The following RANBP17 variants were observed in gnomAD, a reference collection of about 807,000 sequenced individuals.
The protein encoded by RANBP17 is RAN binding protein 17.
Under a neutral mutation model 141.2 loss-of-function variants are expected in RANBP17, and 158 were observed. The ratio of observed to expected loss-of-function variants is 1.12; its 90% confidence interval spans 0.98 to 1.28. The LOEUF (loss-of-function observed/expected upper bound fraction) is 1.28, where lower values mean the gene tolerates loss of function less well. Among genes scored for constraint, RANBP17 ranks in the 50% most tolerant of loss-of-function variants. The pLI is 0.00. For synonymous variants in RANBP17, 430 were observed against 450.0 expected, an observed-to-expected ratio of 0.96 and a Z score of 0.56; for missense variants, 1,438 against 1,290.7, an observed-to-expected ratio of 1.11 and a Z score of -1.75.
chr5:171,238,277 C>G (rs2127994129), intron 22 of RANBP17, among the ~76,000 whole-genome samples: 1 of 152,274 alleles, frequency 6.6e-6, no homozygotes, highest in Middle Eastern at 3.4e-3. Flanking sequence ...AAAAAATTTG[C>G]AACCTTCGGC....
intron 19 of RANBP17, among the ~76,000 whole-genome samples, chr5:171,200,887 T>C (rs1178799309): frequency 6.6e-6 from 1 of 152,244 alleles, no homozygotes; most frequent in African/African-American, 2.4e-5. Context: ...AGAAGGATCT[T>C]ACAGATTCTG....
In RANBP17 at chr5:170,902,316, C is replaced by T. The variant is rs1184278538; in HGVS notation, c.489+6201C>T. On this transcript the variant is annotated intron_variant, in intron 5 of 27. Coordinates refer to ENST00000523189, the MANE Select transcript of RANBP17 (RefSeq NM_022897.5). ...CTTTCTTCCTCTTGATTGATTTGGC[C>T]GTTGATGTTTGTGTATGCTTCACAA... Among the ~76,000 whole-genome samples, 11 of 151,922 alleles carry T rather than the reference C, an allele frequency of 7.2e-5. No homozygotes were observed. In the East Asian group the frequency reaches 1.2e-3, roughly 16 times the overall value.
intron 5 of RANBP17, among the ~76,000 whole-genome samples, chr5:170,900,130 T>C (rs185780512): frequency 1.8e-3 from 269 of 152,324 alleles, no homozygotes; most frequent in Non-Finnish European, 2.9e-3. Context: ...AATTCAGTCG[T>C]GAATCCGTCT....
At chr5:170,934,897 T>G (rs901650816) in intron 12 of RANBP17, among the ~76,000 whole-genome samples, 1 of 152,084 alleles carries the variant, frequency 6.6e-6, no homozygotes, top group Non-Finnish European at 1.5e-5. Flanking sequence ...TCCTGAAGAG[T>G]GGTTTCCAAC....
chr5:170,983,507 A>C (rs1777913832), intron 14 of RANBP17, among the ~76,000 whole-genome samples: 1 of 152,196 alleles, frequency 6.6e-6, no homozygotes, highest in South Asian at 2.1e-4. Flanking sequence ...TTAGGGAGTC[A>C]AAAGATAATG....
At chr5:171,098,552 GA>G (rs1394346783) in intron 14 of RANBP17, among the ~76,000 whole-genome samples, 5 of 151,986 alleles carry the variant, frequency 3.3e-5, no homozygotes, top group African/African-American at 1.2e-4. Context: ...TTGTCAGATG[GA>G]TAGATTGCAA....
intron 26 of RANBP17, among the ~76,000 whole-genome samples, chr5:171,294,466 G>A (rs184604383): frequency 1.3e-5 from 2 of 152,262 alleles, no homozygotes; most frequent in East Asian, 3.9e-4. Context: ...TACCTCCCAA[G>A]CCTCTCCAGC....
chr5:171,265,026 C>T (rs1766573109), intron 24 of RANBP17, among the ~76,000 whole-genome samples: 1 of 152,152 alleles, frequency 6.6e-6, no homozygotes, highest in African/African-American at 2.4e-5. Context: ...CACACTAAAC[C>T]ATGAGTTCTT....
chr5:171,130,295 A>G (rs1410617147), intron 14 of RANBP17, among the ~76,000 whole-genome samples: 2 of 152,190 alleles, frequency 1.3e-5, no homozygotes, highest in Non-Finnish European at 2.9e-5. Context: ...ACAGGAGAAG[A>G]AATTGCAAAC....
intron 14 of RANBP17, among the ~76,000 whole-genome samples, chr5:171,155,094 A>AAATATATATAT (rs34090443): frequency 6.7e-5 from 5 of 74,988 alleles, no homozygotes; most frequent in African/African-American, 2.6e-4. Flanking sequence ...AAAAAAAAAA[A>AAATATATATAT]ATATATATAT....
intron 24 of RANBP17, among the ~76,000 whole-genome samples, chr5:171,254,417 C>T (rs1168081397): frequency 5.3e-5 from 8 of 151,952 alleles, no homozygotes; most frequent in Non-Finnish European, 1.0e-4. Flanking sequence ...CATTTTTTTA[C>T]CCTGGAAAGA....
chr5:171,097,608 T>TTA (rs1786783862), intron 14 of RANBP17, among the ~76,000 whole-genome samples: 1 of 141,392 alleles, frequency 7.1e-6, no homozygotes, highest in Non-Finnish European at 1.5e-5. Flanking sequence ...ATGTAGTCTT[T>TTA]TTATTATTAT....
At chr5:171,182,734 G>T (rs1190333236) in intron 16 of RANBP17, among the ~76,000 whole-genome samples, 2 of 152,076 alleles carry the variant, frequency 1.3e-5, no homozygotes, top group Non-Finnish European at 2.9e-5. Context: ...TCTACCAAGA[G>T]AGCTCACTAT....
intron 3 of RANBP17, among the ~76,000 whole-genome samples, chr5:170,882,604 CT>C (rs1298011853): frequency 3.3e-5 from 5 of 152,098 alleles, no homozygotes; most frequent in African/African-American, 1.2e-4. Flanking sequence ...AGAGTCCAGG[CT>C]TTTAGTCATT....
At chr5:171,076,661 C>T (rs750268150) in intron 14 of RANBP17, among the ~76,000 whole-genome samples, 1 of 152,036 alleles carries the variant, frequency 6.6e-6, no homozygotes, top group Non-Finnish European at 1.5e-5. Context: ...TAAGCTGAAT[C>T]CAACTTGAAG....
At chr5:171,258,993 T>C (rs537103567) in intron 24 of RANBP17, among the ~76,000 whole-genome samples, 3 of 152,018 alleles carry the variant, frequency 2.0e-5, no homozygotes, top group Non-Finnish European at 2.9e-5. Flanking sequence ...GAGACCAATA[T>C]CCAGAATATA....
intron 14 of RANBP17, among the ~76,000 whole-genome samples, chr5:170,998,275 A>C: frequency 6.6e-6 from 1 of 151,776 alleles, no homozygotes; most frequent in East Asian, 1.9e-4. Context: ...TGAATATAGC[A>C]TTTTGAACAT....
intron 14 of RANBP17, among the ~76,000 whole-genome samples, chr5:171,097,651 T>TTAC (rs1786797571): frequency 6.8e-6 from 1 of 147,028 alleles, no homozygotes; most frequent in Non-Finnish European, 1.5e-5. Context: ...ATTATTATTA[T>TTAC]TATACTTTAA....
rs1771933947 is a variant in RANBP17, at chr5:170,916,124, TTATCATGCGTTATATTC to T, written c.835-337_835-321del. Among the ~76,000 whole-genome samples, 2 of 143,662 alleles carry T rather than the reference TTATCATGCGTTATATTC, an allele frequency of 1.4e-5. 1 individual carries two copies. Among genetic ancestry groups the T allele is most frequent in the South Asian group, 4.9e-4 (2 of 4,114 alleles). 94.2% of individuals were successfully genotyped at this position (143,662 alleles called of 152,430 possible). A position where few individuals can be genotyped will look rare whatever the true frequency, so the allele number is the denominator to read the frequency against. ...ATCATGCGTTATATTCTATATTGCA[TTATCATGCGTTATATTC>T]TATATTGCATTATAATGCGTTATAT... On this transcript the variant is annotated intron_variant, in intron 8 of 27. Coordinates refer to ENST00000523189, the MANE Select transcript of RANBP17 (RefSeq NM_022897.5).
Sources: allele counts gnomAD v4.1 joint callset (sites outside exome capture counted in the v4.1 genomes callset), GRCh38; gene constraint gnomAD v4.1.1; transcripts MANE v1.5; gene names NCBI Gene and HGNC (gene_info 2026-07-23, HGNC 2026-07-21).